GNB4: variants seen among roughly 807,000 people sequenced by gnomAD.
GNB4 encodes G protein subunit beta 4.
In GNB4, 28 loss-of-function variants were observed where a neutral mutation model predicts 45.2. That is an observed-to-expected ratio of 0.62 (90% CI 0.46 to 0.85). The LOEUF (loss-of-function observed/expected upper bound fraction) is 0.85. Among genes scored for constraint, GNB4 ranks in the 40% least tolerant of loss-of-function variants. The pLI, the probability that GNB4 is intolerant of heterozygous loss-of-function variation, is 0.00. For synonymous variants in GNB4, 132 were observed against 143.7 expected, an observed-to-expected ratio of 0.92 and a Z score of 0.58; for missense variants, 321 against 425.4, an observed-to-expected ratio of 0.75 and a Z score of 2.16.
intron 2 of GNB4, among the ~76,000 whole-genome samples, chr3:179,423,046 C>T (rs1379537978): frequency 6.6e-6 from 1 of 152,164 alleles, no homozygotes; most frequent in African/African-American, 2.4e-5. Context: ...CCGCCTCAGC[C>T]TCCCAAAGTG....
intron 1 of GNB4, among the ~76,000 whole-genome samples, chr3:179,448,052 GAGA>G (rs1299715421): frequency 2.0e-5 from 3 of 152,206 alleles, no homozygotes; most frequent in East Asian, 1.9e-4. Flanking sequence ...TGGTGACCTG[GAGA>G]AGAATTGTTT....
chr3:179,503,773 C>A, the GNB4 span, among the ~76,000 whole-genome samples: 6 of 152,316 alleles, frequency 3.9e-5, no homozygotes, highest in East Asian at 1.2e-3. Flanking sequence ...TACAAGGTTG[C>A]AAACCTACAT....
the GNB4 span, among the ~76,000 whole-genome samples, chr3:179,475,422 A>T: frequency 6.0e-5 from 9 of 150,116 alleles, no homozygotes; most frequent in African/African-American, 2.2e-4. Flanking sequence ...CCTGGCCCAA[A>T]CTCGCTTTTT....
chr3:179,466,636 G>A, the GNB4 span, among the ~76,000 whole-genome samples: 2 of 152,160 alleles, frequency 1.3e-5, no homozygotes, highest in South Asian at 4.1e-4. Context: ...ATTAAACATG[G>A]AGCAAGATGA....
the GNB4 span, among the ~76,000 whole-genome samples, chr3:179,523,915 C>G: frequency 5.9e-5 from 9 of 152,176 alleles, no homozygotes; most frequent in Admixed American, 3.3e-4. Flanking sequence ...AATAAGGGAG[C>G]TGGGCAGGTG....
Position 179,431,516 on chromosome 3 carries a change from G to A in GNB4, c.-42-5274C>T, listed in dbSNP as rs536720742. On this transcript the variant is annotated intron_variant, in intron 1 of 9. Coordinates refer to ENST00000232564, the MANE Select transcript of GNB4 (RefSeq NM_021629.4). ...AGAGGCTGCAGTGAGCTGAGATTGC[G>A]CCACTGCACTCCAGCCTGGGTGAAG... Among the ~76,000 whole-genome samples the A allele has an allele frequency of 1.3e-3, 189 of 143,968 alleles. 1 individual carries two copies. The highest frequency in any genetic ancestry group is 4.6e-3 in the African/African-American group (180 of 38,826). 94.4% of individuals were successfully genotyped at this position (143,968 alleles called of 152,430 possible). A position where few individuals can be genotyped will look rare whatever the true frequency, so the allele number is the denominator to read the frequency against.
the GNB4 span, among the ~76,000 whole-genome samples, chr3:179,481,586 T>C: frequency 2.0e-5 from 3 of 152,128 alleles, no homozygotes; most frequent in African/African-American, 7.2e-5. Flanking sequence ...GTGATCCTCC[T>C]GCCTCAGCCT....
chr3:179,508,930 G>A, the GNB4 span, among the ~76,000 whole-genome samples: 3 of 47,116 alleles, frequency 6.4e-5, no homozygotes, highest in Non-Finnish European at 6.9e-5. Context: ...CTTTCAGCAT[G>A]TGTATATATA....
At chr3:179,430,415 C>A (rs1715276266) in intron 1 of GNB4, among the ~76,000 whole-genome samples, 1 of 151,928 alleles carries the variant, frequency 6.6e-6, no homozygotes, top group African/African-American at 2.4e-5. Context: ...AATAGAATAG[C>A]TGACTTCTTT....
At chr3:179,433,773 T>C (rs1461280397) in intron 1 of GNB4, among the ~76,000 whole-genome samples, 1 of 150,250 alleles carries the variant, frequency 6.7e-6, no homozygotes, top group Non-Finnish European at 1.5e-5. Flanking sequence ...TGAATTAGCA[T>C]CTAGAATTTT....
chr3:179,462,346 A>G, the GNB4 span, among the ~76,000 whole-genome samples: 2 of 152,180 alleles, frequency 1.3e-5, no homozygotes, highest in Non-Finnish European at 2.9e-5. Context: ...AAGTCACTAT[A>G]ACCCACTTTA....
the GNB4 span, among the ~76,000 whole-genome samples, chr3:179,490,774 C>T: frequency 6.6e-6 from 1 of 152,168 alleles, no homozygotes; most frequent in Non-Finnish European, 1.5e-5. Flanking sequence ...GGTGGATCTT[C>T]CCCACTGAGT....
rs1335094205 is a variant in GNB4 at position 179,399,276 on chromosome 3, C to T, written c.*1937G>A. 1 of 152,100 alleles carries T rather than the reference C, an allele frequency of 6.6e-6. No individual in the cohort carries two copies. Among genetic ancestry groups the T allele is most frequent in the Non-Finnish European group, 1.5e-5 (1 of 68,038 alleles). The allele number at this position is 152,100 out of a possible 1,614,324, so 9.4% of individuals were successfully genotyped here. ...GGAGTGCAGTGGCACAATCTCGGCT[C>T]ACTGCAACCTCTGCCTCCCGGGTTC... On this transcript the variant is annotated 3_prime_UTR_variant, in exon 10 of 10. Coordinates refer to ENST00000232564, the MANE Select transcript of GNB4 (RefSeq NM_021629.4).
chr3:179,488,999 A>ATAT, the GNB4 span, among the ~76,000 whole-genome samples: 1 of 30,548 alleles, frequency 3.3e-5, no homozygotes, highest in East Asian at 2.1e-3. Flanking sequence ...AAAAAAAAAA[A>ATAT]AAAAAAAAAA....
chr3:179,447,628 G>A (rs896290028), intron 1 of GNB4, among the ~76,000 whole-genome samples: 3 of 152,184 alleles, frequency 2.0e-5, no homozygotes, highest in Admixed American at 6.5e-5. Flanking sequence ...AGTGGAAGCT[G>A]ACAAACCAGT....
At chr3:179,524,376 G>T in the GNB4 span, among the ~76,000 whole-genome samples, 1 of 152,248 alleles carries the variant, frequency 6.6e-6, no homozygotes, top group Admixed American at 6.5e-5. Context: ...CCAGTGGCCA[G>T]ATTTCTGGCA....
the GNB4 span, among the ~76,000 whole-genome samples, chr3:179,496,634 A>G: frequency 6.6e-6 from 1 of 152,292 alleles, no homozygotes; most frequent in Admixed American, 6.5e-5. Context: ...GCTGAAAATA[A>G]AAGAATGGAA....
chr3:179,501,515 G>A, the GNB4 span, among the ~76,000 whole-genome samples: 1 of 149,872 alleles, frequency 6.7e-6, no homozygotes, highest in Non-Finnish European at 1.5e-5. Flanking sequence ...GGTAGAGATG[G>A]CATTTTGTCG....
chr3:179,485,258 C>G, the GNB4 span, among the ~76,000 whole-genome samples: 3 of 152,076 alleles, frequency 2.0e-5, no homozygotes, highest in East Asian at 5.8e-4. Context: ...GTGATCCGCC[C>G]GCCTCGGCCT....
Sources: gnomAD v4.1 joint callset for allele counts (sites outside exome capture counted in the v4.1 genomes callset) on GRCh38, gnomAD v4.1.1 for gene constraint, MANE v1.5 for transcripts, NCBI Gene and HGNC (gene_info 2026-07-23, HGNC 2026-07-21) for gene names.